BRD4: variants seen among roughly 807,000 people sequenced by gnomAD.
BRD4 encodes bromodomain-containing protein 4.
In BRD4, 16 loss-of-function variants were observed where a neutral mutation model predicts 142.1. That is an observed-to-expected ratio of 0.11 (90% CI 0.08 to 0.17). BRD4 has a LOEUF of 0.17. Among genes scored for constraint, BRD4 ranks in the 10% least tolerant of loss-of-function variants. The probability of loss-of-function intolerance (pLI) is 1.00; values close to 1 mark genes in which losing one functional copy is unlikely to be tolerated. For missense variants in BRD4, 1,424 were observed against 1,810.9 expected (o/e 0.79, Z 3.88); for synonymous variants, 833 against 707.5 (o/e 1.18, Z -2.82).
chr19:15,294,812 C>G (rs1192728851), intron 1 of BRD4, among the ~76,000 whole-genome samples: 1 of 152,146 alleles, frequency 6.6e-6, no homozygotes, highest in African/African-American at 2.4e-5. Context: ...CACAGACAGC[C>G]AGTGAGGGGC....
At chr19:15,290,652 C>T (rs905499119) in intron 1 of BRD4, among the ~76,000 whole-genome samples, 1 of 152,178 alleles carries the variant, frequency 6.6e-6, no homozygotes, top group Non-Finnish European at 1.5e-5. Context: ...AGGCAAACAG[C>T]TAATCTGGCC....
intron 7 of BRD4, among the ~76,000 whole-genome samples, chr19:15,260,870 C>T (rs555769249): frequency 2.6e-4 from 40 of 151,036 alleles, no homozygotes; most frequent in African/African-American, 9.7e-4. Context: ...GGAGGTGGCT[C>T]CAGGGTGTCA....
intron 11 of BRD4, among the ~76,000 whole-genome samples, chr19:15,250,362 G>C (rs1037786497): frequency 6.6e-6 from 1 of 152,218 alleles, no homozygotes; most frequent in Non-Finnish European, 1.5e-5. Context: ...CAGGCAAGCA[G>C]CAGGCCTGGA....
chr19:15,255,651 C>A (rs2047400321), intron 9 of BRD4, 59 bp from the exon 10 acceptor site: 4 of 1,527,496 alleles, frequency 2.6e-6, no homozygotes, highest in Non-Finnish European at 3.5e-6. Flanking sequence ...GCCAGGCACT[C>A]ATTCCTCCAC....
intron 1 of BRD4, among the ~76,000 whole-genome samples, chr19:15,288,072 T>G (rs995915556): frequency 2.0e-5 from 3 of 152,180 alleles, no homozygotes; most frequent in Admixed American, 6.5e-5. Flanking sequence ...CTGGCCTGAA[T>G]TTCATTCCTT....
chr19:15,251,109 A>T (rs2047339055), intron 11 of BRD4, among the ~76,000 whole-genome samples: 3 of 152,058 alleles, frequency 2.0e-5, no homozygotes, highest in Non-Finnish European at 4.4e-5. Flanking sequence ...GAGGGTGGGG[A>T]ATACATGGTG....
At position 15,245,246 on chromosome 19, in the gene BRD4, G is replaced by C. The variant is rs551883786; in HGVS notation, c.2159-484C>G. Among the ~76,000 whole-genome samples, 149 of 152,200 alleles carry C rather than the reference G, an allele frequency of 9.8e-4. 1 individual carries two copies. Among genetic ancestry groups the C allele is most frequent in the African/African-American group, 3.5e-3 (147 of 41,502 alleles). On this transcript the variant is annotated intron_variant, in intron 11 of 19. Coordinates refer to ENST00000679869, the MANE Select transcript of BRD4 (RefSeq NM_001379291.1). ...ACATGGCTAAAAAGCAGCTTCTCGG[G>C]GGCCTCCAACTGCATGGCCCTCTAA...
chr19:15,319,546 C>G (rs924878247), intron 1 of BRD4, among the ~76,000 whole-genome samples: 1 of 151,842 alleles, frequency 6.6e-6, no homozygotes, highest in Non-Finnish European at 1.5e-5. Flanking sequence ...CCTGGGAGGT[C>G]AAAGCTGCAG....
intron 1 of BRD4, among the ~76,000 whole-genome samples, chr19:15,295,988 T>C (rs745475836): frequency 6.6e-6 from 1 of 151,136 alleles, no homozygotes; most frequent in Non-Finnish European, 1.5e-5. Context: ...AAACTGTCTT[T>C]GTTCACAGAT....
At chr19:15,240,340 A>T (rs2047228684) in intron 14 of BRD4, among the ~76,000 whole-genome samples, 1 of 152,156 alleles carries the variant, frequency 6.6e-6, no homozygotes, top group Non-Finnish European at 1.5e-5. Context: ...GTGCATCAGA[A>T]TCATCTGGGA....
At chr19:15,316,509 T>G (rs1206751197) in intron 1 of BRD4, among the ~76,000 whole-genome samples, 3 of 152,000 alleles carry the variant, frequency 2.0e-5, no homozygotes, top group African/African-American at 7.3e-5. Flanking sequence ...GAGAATCACC[T>G]GAACCTGGGA....
intron 1 of BRD4, among the ~76,000 whole-genome samples, chr19:15,276,361 T>C (rs2047646478): frequency 6.6e-6 from 1 of 151,972 alleles, no homozygotes; most frequent in Admixed American, 6.6e-5. Flanking sequence ...CCCACAGCGG[T>C]TCCCCCCAAC....
Position 15,328,140 on chromosome 19 carries a change from G to A in BRD4, c.-35+4150C>T, listed in dbSNP as rs143247096. On this transcript the variant is annotated intron_variant, in intron 1 of 19. Transcript: ENST00000679869. ...GGAGGATGAACACGCTAATAATAAA[G>A]ACTACGCATATTAAAGTCATTATAC... Among the ~76,000 whole-genome samples, 171 of 152,112 alleles carry A rather than the reference G, an allele frequency of 1.1e-3. 2 individuals carry two copies. In the Middle Eastern group the frequency reaches 0.014, roughly 12 times the overall value.
At chr19:15,268,845 C>T (rs953454895) in intron 3 of BRD4, 60 bp downstream of exon 3, 4 of 1,594,882 alleles carry the variant, frequency 2.5e-6, no homozygotes, top group Non-Finnish European at 3.4e-6. Context: ...GACATGCCCA[C>T]TGCCGTCGCC....
At position 15,238,458 on chromosome 19, in the gene BRD4, G is replaced by A. The variant is rs2047211168; in HGVS notation, c.4021-13C>T. 4 of 1,613,944 alleles carry A rather than the reference G, an allele frequency of 2.5e-6. No individual in the cohort carries two copies. Among genetic ancestry groups the A allele is most frequent in the African/African-American group, 1.3e-5 (1 of 74,932 alleles). On this transcript the variant is annotated splice_polypyrimidine_tract_variant and intron_variant, in intron 19 of 19. Coordinates refer to ENST00000679869, the MANE Select transcript of BRD4 (RefSeq NM_001379291.1). This position sits in a 1 kb window ranked among gnomAD's most constrained non-coding sequence, Gnocchi z 7.2. ...TGGTAGCTGCCATCTGGAGGAGAAA[G>A]GAAGGAGGGAGTCAGGAGGATGACC...
chr19:15,240,081 G>A, intron 14 of BRD4, 59 bp from the exon 15 acceptor site: 3 of 1,541,690 alleles, frequency 1.9e-6, no homozygotes, highest in Non-Finnish European at 2.6e-6. Flanking sequence ...GGCCCTGAGA[G>A]AATTGTCGGG....
At chr19:15,329,308 C>T (rs2048136925) in intron 1 of BRD4, among the ~76,000 whole-genome samples, 1 of 152,118 alleles carries the variant, frequency 6.6e-6, no homozygotes, top group African/African-American at 2.4e-5. Flanking sequence ...ACATGGTCTA[C>T]TCTACAAGTT....
At chr19:15,302,744 G>A (rs528259712) in intron 1 of BRD4, among the ~76,000 whole-genome samples, 117 of 149,140 alleles carry the variant, frequency 7.8e-4, no homozygotes, top group Non-Finnish European at 1.6e-3. Context: ...AGTGGTTCAC[G>A]CCTGTAATCT....
At position 15,326,605 on chromosome 19, in the gene BRD4, T is replaced by A. The variant is rs567440898; in HGVS notation, c.-35+5685A>T. Among the ~76,000 whole-genome samples the A allele has an allele frequency of 2.0e-5, 3 of 152,230 alleles. No individual in the cohort carries two copies. The South Asian group carries it at 6.2e-4, about 31-fold the overall frequency. ...GGGATTAAGAGATCATTTTTAACCATCATTTTAACATTCTACTTTTTCCAA... is the reference window on the plus strand; with the variant it reads ...GGGATTAAGAGATCATTTTTAACCAACATTTTAACATTCTACTTTTTCCAA... On this transcript the variant is annotated intron_variant, in intron 1 of 19. Coordinates refer to ENST00000679869, the MANE Select transcript of BRD4 (RefSeq NM_001379291.1).
Sources: gnomAD v4.1 joint callset for allele counts (sites outside exome capture counted in the v4.1 genomes callset) on GRCh38, gnomAD v4.1.1 for gene constraint, Gnocchi (gnomAD v3.1) non-coding constraint, MANE v1.5 for transcripts, NCBI Gene and HGNC (gene_info 2026-07-23, HGNC 2026-07-21) for gene names.